SLC12A6: variants seen among roughly 807,000 people sequenced by gnomAD.
The protein encoded by SLC12A6 is solute carrier family 12 member 6.
SLC12A6 carries 66 observed loss-of-function variants against 135.3 expected under a neutral mutation model. The observed-to-expected ratio is 0.49, with a 90% CI of 0.40 to 0.60. SLC12A6 has a LOEUF of 0.60. Among genes scored for constraint, SLC12A6 ranks in the 20% least tolerant of loss-of-function variants. The pLI, the probability that SLC12A6 is intolerant of heterozygous loss-of-function variation, is 0.00. For missense variants in SLC12A6, 1,058 were observed against 1,452.3 expected (o/e 0.73, Z 4.41); for synonymous variants, 513 against 508.8 (o/e 1.01, Z -0.11).
At chr15:34,301,251 A>G (rs528228707) in intron 2 of SLC12A6, among the ~76,000 whole-genome samples, 1 of 152,248 alleles carries the variant, frequency 6.6e-6, no homozygotes, top group Non-Finnish European at 1.5e-5. Context: ...CGGCCTCAAC[A>G]TGTTTGTTAA....
intron 2 of SLC12A6, among the ~76,000 whole-genome samples, chr15:34,293,388 T>C (rs1323431159): frequency 6.6e-6 from 1 of 152,038 alleles, no homozygotes; most frequent in African/African-American, 2.4e-5. Context: ...CTCTGCAACC[T>C]CCACCTCCTG....
chr15:34,334,095 T>C (rs1009681777), intron 2 of SLC12A6, among the ~76,000 whole-genome samples: 3 of 150,688 alleles, frequency 2.0e-5, no homozygotes, highest in African/African-American at 7.3e-5. Flanking sequence ...CAAAAAAAAC[T>C]TCATGTGTCA....
chr15:34,231,966 C>T lies in SLC12A6; in HGVS notation c.*1915G>A, dbSNP rs1306509232. The T allele has an allele frequency of 6.6e-6, 1 of 152,104 alleles. No individual in the cohort carries two copies. Among genetic ancestry groups the T allele is most frequent in the Non-Finnish European group, 1.5e-5 (1 of 68,026 alleles). 9.4% of individuals were successfully genotyped at this position (152,104 alleles called of 1,614,324 possible). A position where few individuals can be genotyped will look rare whatever the true frequency, so the allele number is the denominator to read the frequency against. On this transcript the variant is annotated 3_prime_UTR_variant, in exon 26 of 26. Coordinates refer to ENST00000354181, the MANE Select transcript of SLC12A6 (RefSeq NM_001365088.1). ...AGGTCAAATGAATAATTTGTGACAC[C>T]TAGGTCAGCTTGCTCCATGTCCTAT...
Position 34,260,269 on chromosome 15 carries a change from G to A in SLC12A6, c.411+657C>T, listed in dbSNP as rs151176457. Among the ~76,000 whole-genome samples the A allele has an allele frequency of 2.5e-3, 386 of 152,290 alleles. 1 individual carries two copies. Among genetic ancestry groups the A allele is most frequent in the African/African-American group, 9.1e-3 (378 of 41,566 alleles). On this transcript the variant is annotated intron_variant, in intron 4 of 25. Coordinates refer to ENST00000354181, the MANE Select transcript of SLC12A6 (RefSeq NM_001365088.1). ...AATCTGGAAGCCTGCTTCCTACAGT[G>A]ATTTTTGGAGACGGAGTCTTGCTCT... is the stretch of plus-strand genomic sequence containing the variant.
rs1464322097 is a variant in SLC12A6 at position 34,252,261 on chromosome 15, T to C, written c.1242A>G (p.Gln414=). The change falls in exon 10 of 26, where the codon CAA becomes CAG. Residue 414 remains glutamine, a synonymous_variant. Coordinates refer to ENST00000354181, the MANE Select transcript of SLC12A6 (RefSeq NM_001365088.1). Reference sequence around the variant, plus strand: ...ATTCATCACAGGTGGCATTGAAAAATTGACTCGAGTTACAGAAGAATCCCC... The same window carrying C: ...ATTCATCACAGGTGGCATTGAAAAACTGACTCGAGTTACAGAAGAATCCCC... ...KLWGFFCNSS[Q]FFNATCDEYF... The C allele has an allele frequency of 1.4e-5, 22 of 1,607,852 alleles. No homozygotes were observed. The highest frequency in any genetic ancestry group is 2.7e-5 in the African/African-American group (2 of 74,722).
intron 2 of SLC12A6, among the ~76,000 whole-genome samples, chr15:34,333,933 G>T (rs1462250421): frequency 6.6e-6 from 1 of 151,916 alleles, no homozygotes; most frequent in Admixed American, 6.6e-5. Flanking sequence ...AGCCAGGTGT[G>T]GTGGTGCATG....
intron 2 of SLC12A6, among the ~76,000 whole-genome samples, chr15:34,313,477 G>C (rs1282487627): frequency 1.3e-5 from 2 of 152,164 alleles, no homozygotes; most frequent in African/African-American, 4.8e-5. Flanking sequence ...GCTAACAGAA[G>C]TTGGTTCATG....
At chr15:34,282,617 G>T (rs1037844090) in intron 2 of SLC12A6, among the ~76,000 whole-genome samples, 4 of 152,104 alleles carry the variant, frequency 2.6e-5, no homozygotes, top group Non-Finnish European at 5.9e-5. Flanking sequence ...GCTGGGTGTG[G>T]TGGTGTGTGC....
Position 34,231,256 on chromosome 15 carries a change from G to T in SLC12A6, c.*2625C>A, listed in dbSNP as rs1377534233. 1 of 152,340 alleles carries T rather than the reference G, an allele frequency of 6.6e-6. No individual in the cohort carries two copies. Among genetic ancestry groups the T allele is most frequent in the Non-Finnish European group, 1.5e-5 (1 of 68,202 alleles). 9.4% of individuals were successfully genotyped at this position (152,340 alleles called of 1,614,324 possible). On this transcript the variant is annotated 3_prime_UTR_variant, in exon 26 of 26. Transcript: ENST00000354181. ...ACATGCTTGTAATTCCAGCTACTCG[G>T]GAGGCTGAGGCAGGAGAATCGCTTG... is the stretch of plus-strand genomic sequence containing the variant.
chr15:34,302,957 CAAAAAAA>C (rs35647149), intron 2 of SLC12A6, among the ~76,000 whole-genome samples: 1 of 83,288 alleles, frequency 1.2e-5, no homozygotes, highest in Non-Finnish European at 2.7e-5. Flanking sequence ...GACCCTGTCT[CAAAAAAA>C]AAAAAAAAAA....
intron 2 of SLC12A6, among the ~76,000 whole-genome samples, chr15:34,334,873 G>A (rs1386867069): frequency 2.6e-5 from 4 of 152,154 alleles, no homozygotes; most frequent in East Asian, 1.9e-4. Context: ...CGTAAGAACC[G>A]CAGACTGGAC....
At chr15:34,283,652 A>C (rs1894834957) in intron 2 of SLC12A6, among the ~76,000 whole-genome samples, 1 of 151,634 alleles carries the variant, frequency 6.6e-6, no homozygotes. Flanking sequence ...TTTTTTTTTT[A>C]AAGAGGGTAA....
At chr15:34,292,250 C>T (rs970834670) in intron 2 of SLC12A6, among the ~76,000 whole-genome samples, 1 of 152,154 alleles carries the variant, frequency 6.6e-6, no homozygotes, top group African/African-American at 2.4e-5. Context: ...GGCCACTCAG[C>T]TGCAGGTCTG....
chr15:34,307,441 TTGAC>T lies in SLC12A6; in HGVS notation c.271+28965_271+28968del, dbSNP rs555281772. 5.1e-3 allele frequency among the ~76,000 whole-genome samples: 772 copies of T among 152,328 alleles called. 2 individuals carry two copies. The highest frequency in any genetic ancestry group is 0.014 in the Middle Eastern group (4 of 294). The stretch of plus-strand genomic sequence containing the variant: ...AATTACAGTGTTACTGCAAGAATAT[TTGAC>T]TGCTGATAAATACCAATTATTTTTC... On this transcript the variant is annotated intron_variant, in intron 2 of 25. Coordinates refer to ENST00000354181, the MANE Select transcript of SLC12A6 (RefSeq NM_001365088.1).
At chr15:34,314,172 C>G (rs1053871304) in intron 2 of SLC12A6, among the ~76,000 whole-genome samples, 2 of 151,936 alleles carry the variant, frequency 1.3e-5, no homozygotes, top group African/African-American at 4.8e-5. Context: ...CTCAGCCTCA[C>G]AAGTAGCTGG....
At chr15:34,307,177 T>C (rs899136520) in intron 2 of SLC12A6, among the ~76,000 whole-genome samples, 3 of 152,108 alleles carry the variant, frequency 2.0e-5, no homozygotes, top group African/African-American at 7.2e-5. Context: ...TGCACCTCGA[T>C]AAAAAAATAC....
rs1005050832 is a variant in SLC12A6, at chr15:34,301,472, A to G, written c.272-26083T>C. Among the ~76,000 whole-genome samples the G allele has an allele frequency of 3.3e-5, 5 of 152,314 alleles. No homozygotes were observed. The East Asian group carries it at 9.6e-4, about 29-fold the overall frequency. ...GAATGCTAGAGAAGGAAACAGAGGG[A>G]AAAAAATTATTGACACTATGACTGT... On this transcript the variant is annotated intron_variant, in intron 2 of 25. Transcript: ENST00000354181.
chr15:34,277,196 G>T (rs1176903346), intron 2 of SLC12A6, among the ~76,000 whole-genome samples: 1 of 152,158 alleles, frequency 6.6e-6, no homozygotes, highest in Admixed American at 6.5e-5. Context: ...GTATTTTGGT[G>T]AGCTGAGGCG....
rs1333110524 is a variant in SLC12A6, at chr15:34,236,068, C to T, written c.3174G>A (p.Arg1058=). 1.2e-6 allele frequency: 2 copies of T among 1,614,116 alleles called. No individual in the cohort carries two copies. Among genetic ancestry groups the T allele is most frequent in the East Asian group, 2.2e-5 (1 of 44,878 alleles). The change falls in exon 24 of 26, where the codon CGG becomes CGA. Residue 1058 remains arginine (R), a synonymous_variant. Transcript: ENST00000354181. ...TWTKDKYMAS[R]GQKAKSMEGF... Reference sequence around the variant, plus strand: ...CTTCCATTGACTTCGCTTTTTGTCCCCGGGATGCCATGTACTTGTCTTTTG... The same window carrying T: ...CTTCCATTGACTTCGCTTTTTGTCCTCGGGATGCCATGTACTTGTCTTTTG...
Sources: gnomAD v4.1 joint callset for allele counts (sites outside exome capture counted in the v4.1 genomes callset) on GRCh38, gnomAD v4.1.1 for gene constraint, MANE v1.5 for transcripts, NCBI Gene and HGNC (gene_info 2026-07-23, HGNC 2026-07-21) for gene names.